Variants in TMEM132D observed in about 807,000 individuals in gnomAD.
The protein encoded by TMEM132D is mature OL transmembrane protein.
In TMEM132D, 21 loss-of-function variants were observed where a neutral mutation model predicts 62.3. That is an observed-to-expected ratio of 0.34 (90% confidence interval 0.24 to 0.49). The LOEUF is 0.49. Ranked by LOEUF, TMEM132D falls within the 20% of genes least tolerant of loss-of-function variation. The probability of loss-of-function intolerance (pLI) is 0.99; values close to 1 mark genes in which losing one functional copy is unlikely to be tolerated. For synonymous variants in TMEM132D, 621 were observed against 575.6 expected, an observed-to-expected ratio of 1.08 and a Z score of -1.13; for missense variants, 1,346 against 1,402.8, an observed-to-expected ratio of 0.96 and a Z score of 0.65.
intron 3 of TMEM132D, among the ~76,000 whole-genome samples, chr12:129,372,530 TC>T (rs1402350932): frequency 6.6e-6 from 1 of 152,148 alleles, no homozygotes; most frequent in African/African-American, 2.4e-5. Context: ...TTGCAGCCGC[TC>T]CCCATTGTTT....
chr12:129,324,192 T>C (rs1283351849), intron 4 of TMEM132D, among the ~76,000 whole-genome samples: 3 of 152,102 alleles, frequency 2.0e-5, no homozygotes. Context: ...AGGAAGTCTG[T>C]CTTAGCCTGG....
At chr12:129,901,646 G>GT (rs1875355315) in intron 1 of TMEM132D, among the ~76,000 whole-genome samples, 1 of 152,152 alleles carries the variant, frequency 6.6e-6, no homozygotes, top group Non-Finnish European at 1.5e-5. Flanking sequence ...AGTGTTCCCA[G>GT]TTGAAAAAGT....
At chr12:129,738,415 G>C (rs1869495130) in intron 1 of TMEM132D, among the ~76,000 whole-genome samples, 2 of 152,128 alleles carry the variant, frequency 1.3e-5, no homozygotes, top group Non-Finnish European at 2.9e-5. Context: ...AAGGAAGAAA[G>C]GAAGAGGGGG....
intron 3 of TMEM132D, among the ~76,000 whole-genome samples, chr12:129,415,535 T>C (rs766899822): frequency 6.6e-6 from 1 of 152,204 alleles, no homozygotes; most frequent in Non-Finnish European, 1.5e-5. Flanking sequence ...GAGATTTGCT[T>C]CTCAAACCAC....
intron 3 of TMEM132D, among the ~76,000 whole-genome samples, chr12:129,406,291 AT>A (rs1293880862): frequency 6.6e-6 from 1 of 152,216 alleles, no homozygotes; most frequent in Non-Finnish European, 1.5e-5. Context: ...ACATGAGCAT[AT>A]ACATGTGTAC....
At chr12:129,623,524 T>G (rs1017063477) in intron 2 of TMEM132D, among the ~76,000 whole-genome samples, 6 of 152,072 alleles carry the variant, frequency 3.9e-5, no homozygotes, top group Non-Finnish European at 5.9e-5. Flanking sequence ...TGAGAACATG[T>G]GGTACTTGGT....
intron 1 of TMEM132D, among the ~76,000 whole-genome samples, chr12:129,799,366 A>G (rs1239100525): frequency 2.2e-5 from 1 of 44,748 alleles, no homozygotes; most frequent in African/African-American, 9.3e-5. Context: ...GTGTGTGTGT[A>G]TATATGTGTA....
intron 2 of TMEM132D, among the ~76,000 whole-genome samples, chr12:129,576,490 A>G (rs1161491736): frequency 6.6e-6 from 1 of 151,836 alleles, no homozygotes; most frequent in African/African-American, 2.4e-5. Context: ...ATGTGTACAT[A>G]TATCTGTTTA....
chr12:129,751,727 C>T (rs950372261), intron 1 of TMEM132D, among the ~76,000 whole-genome samples: 1 of 152,210 alleles, frequency 6.6e-6, no homozygotes, highest in Non-Finnish European at 1.5e-5. Flanking sequence ...GATTGTCCAA[C>T]AAAGCCATGT....
At chr12:129,240,348 G>A (rs1040034075) in intron 4 of TMEM132D, among the ~76,000 whole-genome samples, 7 of 152,082 alleles carry the variant, frequency 4.6e-5, no homozygotes, top group African/African-American at 1.7e-4. Context: ...TGAGAAAACT[G>A]GTTTGAATAT....
chr12:129,738,534 C>A (rs78514206), intron 1 of TMEM132D, among the ~76,000 whole-genome samples: 1 of 152,206 alleles, frequency 6.6e-6, no homozygotes, highest in East Asian at 1.9e-4. Context: ...AAAACCCCAA[C>A]ACGCTGTAGC....
intron 3 of TMEM132D, among the ~76,000 whole-genome samples, chr12:129,459,251 GAA>G (rs1451901307): frequency 6.6e-6 from 1 of 152,170 alleles, no homozygotes; most frequent in Non-Finnish European, 1.5e-5. Context: ...TGTCTGCAGT[GAA>G]AATATCAAGA....
At position 129,731,702 on chromosome 12, in the gene TMEM132D, G is replaced by A. The variant is rs1032688692; in HGVS notation, c.80-31004C>T. 1.3e-4 allele frequency among the ~76,000 whole-genome samples: 20 copies of A among 151,388 alleles called. No homozygotes were observed. The South Asian group carries it at 1.5e-3, about 11-fold the overall frequency. On this transcript the variant is annotated intron_variant, in intron 1 of 8. Transcript: ENST00000422113. ...TTTTGAGACGGAGTCTCGCTCTGTCGCCCGGGCTACAGTGCAGTGGCACTA... is the reference window on the plus strand; with the variant it reads ...TTTTGAGACGGAGTCTCGCTCTGTCACCCGGGCTACAGTGCAGTGGCACTA...
At chr12:129,297,815 G>T (rs923057110) in intron 4 of TMEM132D, among the ~76,000 whole-genome samples, 55 of 152,192 alleles carry the variant, frequency 3.6e-4, no homozygotes, top group African/African-American at 1.2e-3. Context: ...GTCACAGGTC[G>T]GCTGGGGACG....
chr12:129,176,012 G>A (rs1035650265), intron 5 of TMEM132D, among the ~76,000 whole-genome samples: 44 of 152,282 alleles, frequency 2.9e-4, no homozygotes, highest in Non-Finnish European at 4.4e-4. Context: ...ACATATGTGT[G>A]CTCCCTTCCA....
At chr12:129,525,082 C>A (rs900913870) in intron 3 of TMEM132D, among the ~76,000 whole-genome samples, 16 of 149,992 alleles carry the variant, frequency 1.1e-4, no homozygotes, top group African/African-American at 3.9e-4. Flanking sequence ...CCCGCCACCA[C>A]ACTCAGCTAA....
chr12:129,663,983 G>C (rs959703772), intron 2 of TMEM132D, among the ~76,000 whole-genome samples: 2 of 152,118 alleles, frequency 1.3e-5, no homozygotes, highest in African/African-American at 4.8e-5. Context: ...CTTTAAAAAA[G>C]TGGCCTATAC....
intron 1 of TMEM132D, among the ~76,000 whole-genome samples, chr12:129,801,386 C>T (rs575269545): frequency 2.0e-5 from 3 of 151,482 alleles, no homozygotes; most frequent in South Asian, 2.1e-4. Context: ...GACCCCTGAC[C>T]CCCGAGCAGC....
rs187143294 is a variant in TMEM132D at position 129,241,028 on chromosome 12, C to T, written c.1300-31365G>A. Among the ~76,000 whole-genome samples, 54 of 152,096 alleles carry T rather than the reference C, an allele frequency of 3.6e-4. No individual in the cohort carries two copies. The East Asian group carries it at 7.0e-3, about 20-fold the overall frequency. ...TCATTCATGCTGCCATTTTCTCCTG[C>T]CTGTGTTTGGGTGATATAAATAGTT... is the stretch of plus-strand genomic sequence containing the variant. On this transcript the variant is annotated intron_variant, in intron 4 of 8. Transcript: ENST00000422113.
Sources: allele counts gnomAD v4.1 joint callset (sites outside exome capture counted in the v4.1 genomes callset), GRCh38; gene constraint gnomAD v4.1.1; transcripts MANE v1.5; gene names NCBI Gene and HGNC (gene_info 2026-07-23, HGNC 2026-07-21).